The following FASTKD2 variants were observed in gnomAD, a reference collection of about 807,000 sequenced individuals.
FASTKD2 encodes FAST kinase domains 2, also known as FAST kinase domain-containing protein 2, mitochondrial.
In FASTKD2, 51 loss-of-function variants were observed where a neutral mutation model predicts 63.6. That is an observed-to-expected ratio of 0.80 (90% CI 0.64 to 1.01). The LOEUF is 1.01. Ranked by LOEUF, FASTKD2 falls within the 50% of genes least tolerant of loss-of-function variation. The pLI is 0.00. For synonymous variants in FASTKD2, 284 were observed against 293.4 expected, an observed-to-expected ratio of 0.97 and a Z score of 0.33; for missense variants, 786 against 831.1, an observed-to-expected ratio of 0.95 and a Z score of 0.67.
intron 8 of FASTKD2, 58 bp from the exon 9 acceptor site, chr2:206,787,879 G>A: frequency 1.1e-6 from 1 of 899,612 alleles, no homozygotes; most frequent in African/African-American, 1.7e-5. Context: ...TACTAATATA[G>A]TTTTTTAATG....
At position 206,788,042 on chromosome 2, in the gene FASTKD2, G is replaced by A. The variant is rs745730708; in HGVS notation, c.1700G>A (p.Arg567Gln). 20 of 1,613,580 alleles carry A rather than the reference G, an allele frequency of 1.2e-5. No individual in the cohort carries two copies. Among genetic ancestry groups the A allele is most frequent in the Non-Finnish European group, 1.5e-5 (18 of 1,179,782 alleles). ...DIALSLPQLP[R>Q]ELPSSHTNAK... ...GCCTTGTCACTCCCACAGCTGCCGC[G>A]GGAGCTGCCATCGTCACATACAAAT... Residue 567 changes from arginine (R) to glutamine (Q), a missense_variant, in exon 9 of 12, where the codon CGG (arginine) becomes CAG (glutamine). By Grantham distance (43) the Arg-to-Gln change is conservative. Transcript: ENST00000402774.
rs549461470 is a variant in FASTKD2 at position 206,794,832 on chromosome 2, G to C, written c.*3030G>C. ...ATTTATAGAATGTCATGTGTTGTGA[G>C]GGTAGTCACCCTGCAACTGGCTTGG... On this transcript the variant is annotated 3_prime_UTR_variant, in exon 12 of 12. Transcript: ENST00000402774. Among the ~76,000 whole-genome samples the C allele has an allele frequency of 6.6e-6, 1 of 152,260 alleles. No homozygotes were observed. Among genetic ancestry groups the C allele is most frequent in the Non-Finnish European group, 1.5e-5 (1 of 68,030 alleles).
At chr2:206,771,325 TGAAA>T in intron 4 of FASTKD2, 35 bp downstream of exon 4, 2 of 1,269,776 alleles carry the variant, frequency 1.6e-6, no homozygotes, top group Non-Finnish European at 2.3e-6. Flanking sequence ...GGATGAGATT[TGAAA>T]AAATCTTTCT....
At chr2:206,770,940 A>G (rs1311500563) in intron 3 of FASTKD2, among the ~76,000 whole-genome samples, 1 of 152,142 alleles carries the variant, frequency 6.6e-6, no homozygotes, top group Non-Finnish European at 1.5e-5. Context: ...AGGATATGTT[A>G]CTATAATCTC....
At position 206,792,857 on chromosome 2, in the gene FASTKD2, G is replaced by A. The variant is rs1690325655; in HGVS notation, c.*1055G>A. Reference sequence around the variant, plus strand: ...CTTCCTCATCTCTAAAATCAGGATAGGTATTTGCCCAAGGCTACACAGAGT... The same window carrying A: ...CTTCCTCATCTCTAAAATCAGGATAAGTATTTGCCCAAGGCTACACAGAGT... On this transcript the variant is annotated 3_prime_UTR_variant, in exon 12 of 12. Transcript: ENST00000402774. Among the ~76,000 whole-genome samples, 1 of 152,158 alleles carries A rather than the reference G, an allele frequency of 6.6e-6. No homozygotes were observed.
chr2:206,775,297 T>C (rs1689792207), intron 7 of FASTKD2, among the ~76,000 whole-genome samples: 2 of 151,010 alleles, frequency 1.3e-5, no homozygotes, highest in South Asian at 4.2e-4. Context: ...ACAGGGATTC[T>C]GCTTTTACTA....
At chr2:206,776,759 A>C (rs1001297735) in intron 7 of FASTKD2, among the ~76,000 whole-genome samples, 4 of 152,010 alleles carry the variant, frequency 2.6e-5, no homozygotes, top group African/African-American at 9.7e-5. Context: ...GTTCTTTTTC[A>C]AAATTGCTTT....
At chr2:206,777,875 T>G (rs1212614798) in intron 7 of FASTKD2, among the ~76,000 whole-genome samples, 1 of 152,220 alleles carries the variant, frequency 6.6e-6, no homozygotes. Context: ...GATTCAGTCT[T>G]GGTAGGTTGT....
chr2:206,787,048 G>A lies in FASTKD2; in HGVS notation c.1594+149G>A, dbSNP rs1000924521. The A allele has an allele frequency of 6.9e-5, 43 of 622,638 alleles. No homozygotes were observed. The African/African-American group carries it at 7.8e-4, about 11-fold the overall frequency. The allele number at this position is 622,638 out of a possible 1,614,324, so 38.6% of individuals were successfully genotyped here. A position where few individuals can be genotyped will look rare whatever the true frequency, so the allele number is the denominator to read the frequency against. On this transcript the variant is annotated intron_variant, in intron 8 of 11. Transcript: ENST00000402774. ...TGCTGTGGAAAGGGCTGATAATGGT[G>A]AAGTCAAAGGATAGTGCTTCAAAGC...
intron 2 of FASTKD2, among the ~76,000 whole-genome samples, chr2:206,767,873 G>A (rs1471361515): frequency 6.6e-6 from 1 of 152,224 alleles, no homozygotes; most frequent in African/African-American, 2.4e-5. Context: ...TGATAGTGAA[G>A]GGGATGGTGT....
intron 7 of FASTKD2, among the ~76,000 whole-genome samples, chr2:206,776,038 G>C (rs771653663): frequency 2.2e-4 from 33 of 151,628 alleles, no homozygotes; most frequent in Non-Finnish European, 3.8e-4. Context: ...GTCTTCTTTG[G>C]AGAAATATTT....
At chr2:206,783,066 T>C (rs1690035436) in intron 7 of FASTKD2, among the ~76,000 whole-genome samples, 1 of 151,992 alleles carries the variant, frequency 6.6e-6, no homozygotes, top group Admixed American at 6.5e-5. Context: ...GAACATCTGA[T>C]TGACTGAGTT....
Position 206,767,036 on chromosome 2 carries a change from G to C in FASTKD2, c.343G>C (p.Asp115His). 1 of 1,613,406 alleles carries C rather than the reference G, an allele frequency of 6.2e-7. No individual in the cohort carries two copies. Among genetic ancestry groups the C allele is most frequent in the Non-Finnish European group, 8.5e-7 (1 of 1,179,716 alleles). Residue 115 changes from aspartate to histidine, a missense_variant, in exon 2 of 12, where the codon GAC becomes CAC. Coordinates refer to ENST00000402774, the MANE Select transcript of FASTKD2 (RefSeq NM_001136193.2). ...RLLYAKRLFF[D>H]SKQSLVPVDK... The stretch of plus-strand genomic sequence containing the variant: ...ACTTTATGCTAAAAGACTGTTTTTT[G>C]ACTCAAAGCAGTCTCTTGTCCCTGT...
Position 206,793,248 on chromosome 2 carries a change from A to AAAAAAAAAAAAAAAAAC in FASTKD2, c.*1449_*1450insAAAAAAAAAAAAACAAA, listed in dbSNP as rs1259024642. On this transcript the variant is annotated 3_prime_UTR_variant, in exon 12 of 12. Transcript: ENST00000402774. Reference sequence around the variant, plus strand: ...AAAAAAAAAAAAAAAAAAAAAAAAAAAAATACAAAAACTATAGCAATATGA... The same window carrying AAAAAAAAAAAAAAAAAC: ...AAAAAAAAAAAAAAAAAAAAAAAAAAAAAAAAAAAAAAAAAACAAATACAAAAACTATAGCAATATGA... Among the ~76,000 whole-genome samples the AAAAAAAAAAAAAAAAAC allele has an allele frequency of 3.9e-5, 5 of 126,636 alleles. No homozygotes were observed. Among genetic ancestry groups the AAAAAAAAAAAAAAAAAC allele is most frequent in the Non-Finnish European group, 8.9e-5 (5 of 56,470 alleles). The allele number at this position is 126,636 out of a possible 152,430, so 83.1% of individuals were successfully genotyped here.
Position 206,786,766 on chromosome 2 carries a change from T to G in FASTKD2, c.1461T>G (p.Thr487=). 2 of 1,613,964 alleles carry G rather than the reference T, an allele frequency of 1.2e-6. No individual in the cohort carries two copies. The highest frequency in any genetic ancestry group is 1.1e-5 in the South Asian group (1 of 91,078). The part of the protein sequence containing the change: ...QFVEVMASAL[T]GYLHTISSEN... ...TGGAAGTTATGGCTAGTGCTCTGAC[T>G]GGTTATCTTCACACTATTTCTTCTG... The change falls in exon 8 of 12, where the codon ACT becomes ACG. Residue 487 remains threonine, a synonymous_variant. Coordinates refer to ENST00000402774, the MANE Select transcript of FASTKD2 (RefSeq NM_001136193.2).
At chr2:206,778,452 T>G (rs1394609634) in intron 7 of FASTKD2, among the ~76,000 whole-genome samples, 1 of 152,120 alleles carries the variant, frequency 6.6e-6, no homozygotes, top group Non-Finnish European at 1.5e-5. Context: ...ATTTGTGAAT[T>G]TTCTAGTTTT....
Position 206,788,863 on chromosome 2 carries a change from C to G in FASTKD2, c.1858C>G (p.Leu620Val), listed in dbSNP as rs2105987933. The change falls in exon 10 of 12, where the codon CTT becomes GTT. Residue 620 changes from leucine to valine, a missense_variant. Coordinates refer to ENST00000402774, the MANE Select transcript of FASTKD2 (RefSeq NM_001136193.2). ...CACTAACAGGAATCAAGTGCTACCA[C>G]TTTCTGATGTGGATACAACTTCTGC... ...MDTNRNQVLPLSDVDTTSATD... is the reference protein window; with the variant it reads ...MDTNRNQVLPVSDVDTTSATD... 3 of 1,587,696 alleles carry G rather than the reference C, an allele frequency of 1.9e-6. No individual in the cohort carries two copies. The highest frequency in any genetic ancestry group is 2.6e-6 in the Non-Finnish European group (3 of 1,156,476).
rs1690347625 is a variant in FASTKD2, at chr2:206,793,261, T to TATAGCA, written c.*1463_*1468dup. Among the ~76,000 whole-genome samples, 1 of 125,226 alleles carries TATAGCA rather than the reference T, an allele frequency of 8.0e-6. No individual in the cohort carries two copies. The highest frequency in any genetic ancestry group is 7.8e-5 in the Admixed American group (1 of 12,856). The allele number at this position is 125,226 out of a possible 152,430, so 82.2% of individuals were successfully genotyped here. On this transcript the variant is annotated 3_prime_UTR_variant, in exon 12 of 12. Transcript: ENST00000402774. ...AAAAAAAAAAAAAAAATACAAAAAC[T>TATAGCA]ATAGCAATATGACAACAGCTGCCAG...
At chr2:206,775,220 C>CT (rs1393379506) in intron 7 of FASTKD2, among the ~76,000 whole-genome samples, 1 of 152,012 alleles carries the variant, frequency 6.6e-6, no homozygotes, top group African/African-American at 2.4e-5. Context: ...GTGCAGATGT[C>CT]TCTTTGAGAT....
Sources: gnomAD v4.1 joint callset for allele counts (sites outside exome capture counted in the v4.1 genomes callset) on GRCh38, gnomAD v4.1.1 for gene constraint, MANE v1.5 for transcripts, NCBI Gene and HGNC (gene_info 2026-07-23, HGNC 2026-07-21) for gene names.